Variants in RPS6KA2 observed in about 807,000 individuals in gnomAD.
RPS6KA2 encodes the protein ribosomal protein S6 kinase alpha-2.
Under a neutral mutation model 91.8 loss-of-function variants are expected in RPS6KA2, and 42 were observed. The ratio of observed to expected loss-of-function variants is 0.46; its 90% CI spans 0.36 to 0.59. The LOEUF (loss-of-function observed/expected upper bound fraction) is 0.59, where lower values mean the gene tolerates loss of function less well. Ranked by LOEUF, RPS6KA2 falls within the 20% of genes least tolerant of loss-of-function variation. RPS6KA2 has a pLI of 0.00. For synonymous variants in RPS6KA2, 414 were observed against 393.6 expected, an observed-to-expected ratio of 1.05 and a Z score of -0.61; for missense variants, 798 against 978.5, an observed-to-expected ratio of 0.82 and a Z score of 2.46.
At position 166,701,348 on chromosome 6, in the gene RPS6KA2, G is replaced by A. The variant is rs980077021; in HGVS notation, c.123+156852C>T. ...CCAGTAACTGCCAGCAGCAAAGGATGGCACTCTGATATGAGCTTCAAGTTT... is the reference window on the plus strand; with the variant it reads ...CCAGTAACTGCCAGCAGCAAAGGATAGCACTCTGATATGAGCTTCAAGTTT... On this transcript the variant is annotated intron_variant, in intron 2 of 21. Transcript: ENST00000503859. The A allele has an allele frequency of 1.7e-5, 26 of 1,520,596 alleles. No individual in the cohort carries two copies. The South Asian group carries it at 2.0e-4, about 12-fold the overall frequency. 94.2% of individuals were successfully genotyped at this position (1,520,596 alleles called of 1,614,324 possible). A position where few individuals can be genotyped will look rare whatever the true frequency, so the allele number is the denominator to read the frequency against.
intron 1 of RPS6KA2, chr6:166,861,996 C>T (rs1781057337): frequency 4.4e-6 from 6 of 1,377,972 alleles, no homozygotes; most frequent in Non-Finnish European, 5.1e-6. Flanking sequence ...CTCTCTGACC[C>T]ATCATAGTCA....
At chr6:166,802,897 A>T (rs1280525546) in intron 2 of RPS6KA2, among the ~76,000 whole-genome samples, 1 of 151,328 alleles carries the variant, frequency 6.6e-6, no homozygotes, top group African/African-American at 2.4e-5. Flanking sequence ...TTCATGAACA[A>T]GTGATAAACC....
At position 166,424,628 on chromosome 6, in the gene RPS6KA2, A is replaced by ATACTC. The variant is rs1583114099; in HGVS notation, c.1582-1216_1582-1212dup. Among the ~76,000 whole-genome samples, 4 of 152,242 alleles carry ATACTC rather than the reference A, an allele frequency of 2.6e-5. No homozygotes were observed. In the East Asian group the frequency reaches 7.7e-4, roughly 29 times the overall value. On this transcript the variant is annotated intron_variant, in intron 16 of 20. Coordinates refer to ENST00000265678, the MANE Select transcript of RPS6KA2 (RefSeq NM_021135.6). ...CTACTCATGTGTGACCTTGGCCAAG[A>ATACTC]TACTCAAACTCCTGTGCCCCTCGCC...
At chr6:166,519,403 G>A (rs950087890) in intron 3 of RPS6KA2, among the ~76,000 whole-genome samples, 1 of 152,220 alleles carries the variant, frequency 6.6e-6, no homozygotes, top group Non-Finnish European at 1.5e-5. Context: ...CTAATAAATG[G>A]TAGGCACTGG....
At chr6:166,838,341 T>G (rs1485099462) in intron 2 of RPS6KA2, among the ~76,000 whole-genome samples, 1 of 152,076 alleles carries the variant, frequency 6.6e-6, no homozygotes, top group African/African-American at 2.4e-5. Flanking sequence ...AGGATGAGAG[T>G]GTCAGCGTGT....
rs1175919458 is a variant in RPS6KA2, at chr6:166,433,510, C to A, written c.1333-1020G>T. 6.6e-6 allele frequency among the ~76,000 whole-genome samples: 1 copy of A among 152,138 alleles called. No homozygotes were observed. The highest frequency in any genetic ancestry group is 2.4e-5 in the African/African-American group (1 of 41,424). ...GGACGGGACCAGTGGGAGGAGGGCACCACACTCATGGGAAATTGGCAACAT... is the reference window on the plus strand; with the variant it reads ...GGACGGGACCAGTGGGAGGAGGGCAACACACTCATGGGAAATTGGCAACAT... On this transcript the variant is annotated intron_variant, in intron 14 of 20. Coordinates refer to ENST00000265678, the MANE Select transcript of RPS6KA2 (RefSeq NM_021135.6). This position sits in a 1 kb window ranked among gnomAD's most constrained non-coding sequence, Gnocchi z 4.4.
At chr6:166,589,187 A>G (rs1175157105) in intron 1 of RPS6KA2, among the ~76,000 whole-genome samples, 1 of 152,222 alleles carries the variant, frequency 6.6e-6, no homozygotes, top group East Asian at 1.9e-4. Context: ...GTCTCCTCCT[A>G]CCACCAGCAA....
chr6:166,681,706 CCG>C (rs1788822168), intron 2 of RPS6KA2, among the ~76,000 whole-genome samples: 4 of 122,676 alleles, frequency 3.3e-5, no homozygotes, highest in Admixed American at 7.9e-5. Context: ...CCCCCCGCCC[CCG>C]CCCAAGATCT....
chr6:166,805,879 T>C (rs547404388), intron 2 of RPS6KA2, among the ~76,000 whole-genome samples: 56 of 152,260 alleles, frequency 3.7e-4, no homozygotes, highest in African/African-American at 1.3e-3. Flanking sequence ...ATGGAAGAGC[T>C]TCTGTGTGAA....
At chr6:166,681,920 C>T (rs1034218059) in intron 2 of RPS6KA2, among the ~76,000 whole-genome samples, 2 of 152,064 alleles carry the variant, frequency 1.3e-5, no homozygotes, top group East Asian at 1.9e-4. Context: ...CTGTGAGTCT[C>T]GACACCACCC....
intron 3 of RPS6KA2, among the ~76,000 whole-genome samples, chr6:166,528,262 C>A (rs949640064): frequency 6.6e-6 from 1 of 152,150 alleles, no homozygotes; most frequent in Admixed American, 6.5e-5. Context: ...AGAAATAATA[C>A]CACACATCTA....
intron 2 of RPS6KA2, among the ~76,000 whole-genome samples, chr6:166,719,060 T>C (rs1343032520): frequency 5.9e-5 from 9 of 152,222 alleles, no homozygotes; most frequent in Non-Finnish European, 1.0e-4. Flanking sequence ...GCAAACATTT[T>C]TGGGGCCACA....
At chr6:166,861,564 A>G (rs186063596) in intron 1 of RPS6KA2, among the ~76,000 whole-genome samples, 2 of 152,328 alleles carry the variant, frequency 1.3e-5, no homozygotes, top group Admixed American at 6.5e-5. Flanking sequence ...CTTTGATTTC[A>G]TTATCTTTTC....
chr6:166,790,397 T>G (rs1779052468), intron 2 of RPS6KA2, among the ~76,000 whole-genome samples: 1 of 152,188 alleles, frequency 6.6e-6, no homozygotes, highest in African/African-American at 2.4e-5. Flanking sequence ...TAGGTGTACC[T>G]GAAAGTGATG....
At chr6:166,627,283 A>C, upstream of RPS6KA2, 2 of 956,272 alleles carry the variant, frequency 2.1e-6, no homozygotes, top group Non-Finnish European at 2.5e-6. Flanking sequence ...CGCCTACACC[A>C]CGCCCACCAC....
chr6:166,453,869 A>G (rs1436444839), intron 12 of RPS6KA2, among the ~76,000 whole-genome samples: 1 of 152,248 alleles, frequency 6.6e-6, no homozygotes, highest in South Asian at 2.1e-4. Flanking sequence ...CTATTTAGTC[A>G]TAAAAAAGAA....
chr6:166,488,854 GT>G lies in RPS6KA2; in HGVS notation c.885del (p.Lys295AsnfsTer25). 1 of 1,613,470 alleles carries G rather than the reference GT, an allele frequency of 6.2e-7. No homozygotes were observed. ...EAQSLLRALF[K>X]RNPCNRLGAG... ...TTACCCAGCCGGTTGCAGGGGTTCC[GT>G]TTGAAGAGAGCTCGCAGCAAACTCT... is the stretch of plus-strand genomic sequence containing the variant. On this transcript the variant is annotated frameshift_variant, in exon 10 of 21. Transcript: ENST00000265678. LOFTEE classifies it high-confidence loss of function.
Position 166,494,939 on chromosome 6 carries a change from G to A in RPS6KA2, c.747+3569C>T, listed in dbSNP as rs982855883. ...CGCTTACAAGGCTTGGGTAAGATAC[G>A]ACTTCAAAGGTCACCCGAGGCCCAT... On this transcript the variant is annotated intron_variant, in intron 8 of 20. Transcript: ENST00000265678. This position sits in a 1 kb window ranked among gnomAD's most constrained non-coding sequence, Gnocchi z 5.1. Among the ~76,000 whole-genome samples the A allele has an allele frequency of 6.6e-6, 1 of 152,164 alleles. No individual in the cohort carries two copies. Among genetic ancestry groups the A allele is most frequent in the Non-Finnish European group, 1.5e-5 (1 of 68,034 alleles).
At chr6:166,745,808 T>C (rs182669830) in intron 2 of RPS6KA2, among the ~76,000 whole-genome samples, 4 of 152,278 alleles carry the variant, frequency 2.6e-5, no homozygotes, top group South Asian at 2.1e-4. Flanking sequence ...AACTCCCTAG[T>C]GTGTCATGGT....
Sources: allele counts gnomAD v4.1 joint callset (sites outside exome capture counted in the v4.1 genomes callset), GRCh38; gene constraint gnomAD v4.1.1; non-coding constraint Gnocchi (gnomAD v3.1); transcripts MANE v1.5; gene names NCBI Gene and HGNC (gene_info 2026-07-23, HGNC 2026-07-21).